PPP2R3A: variants seen among roughly 807,000 people sequenced by gnomAD.
The protein encoded by PPP2R3A is serine/threonine-protein phosphatase 2A regulatory subunit B'' subunit alpha.
Under a neutral mutation model 106.9 loss-of-function variants are expected in PPP2R3A, and 80 were observed. The ratio of observed to expected loss-of-function variants is 0.75; its 90% CI spans 0.62 to 0.90. PPP2R3A has a LOEUF of 0.90. PPP2R3A is among the 40% of genes least tolerant of loss of function. The pLI is 0.00. For synonymous variants in PPP2R3A, 483 were observed against 468.3 expected (o/e 1.03, Z -0.41); for missense variants, 1,386 against 1,350.4 (o/e 1.03, Z -0.41).
intron 2 of PPP2R3A, among the ~76,000 whole-genome samples, chr3:136,012,158 G>A (rs1011232346): frequency 2.0e-5 from 3 of 152,016 alleles, no homozygotes; most frequent in Admixed American, 2.0e-4. Flanking sequence ...AATTATTATG[G>A]TCTGTAATGA....
chr3:136,039,944 A>G (rs1417910822), intron 3 of PPP2R3A, among the ~76,000 whole-genome samples: 1 of 152,106 alleles, frequency 6.6e-6, no homozygotes, highest in African/African-American at 2.4e-5. Context: ...GTCTTTCCTA[A>G]GGCTTTGTAA....
At position 136,145,296 on chromosome 3, in the gene PPP2R3A, C is replaced by CT. The variant is rs1452497169; in HGVS notation, c.*133dup. 6.9e-5 allele frequency: 86 copies of CT among 1,237,778 alleles called. No individual in the cohort carries two copies. The highest frequency in any genetic ancestry group is 8.8e-5 in the Non-Finnish European group (82 of 929,058). 76.7% of individuals were successfully genotyped at this position (1,237,778 alleles called of 1,614,324 possible). ...AAGTGTGTATCATCTGCACTAGGAACTTTGTTTTTAAGCAATAGGTCTGGA... is the reference window on the plus strand; with the variant it reads ...AAGTGTGTATCATCTGCACTAGGAACTTTTGTTTTTAAGCAATAGGTCTGGA... On this transcript the variant is annotated 3_prime_UTR_variant, in exon 14 of 14. Transcript: ENST00000264977.
At chr3:135,988,266 AAC>A (rs1559853501) in intron 1 of PPP2R3A, among the ~76,000 whole-genome samples, 1 of 151,948 alleles carries the variant, frequency 6.6e-6, no homozygotes, top group African/African-American at 2.4e-5. Context: ...AAAAAAAAAA[AAC>A]AGTTTTTTTA....
Position 136,002,654 on chromosome 3 carries a change from A to G in PPP2R3A, c.1156A>G (p.Arg386Gly). Residue 386 changes from arginine to glycine, a missense_variant, in exon 2 of 14, where the codon AGA (arginine) becomes GGA (glycine). Arg to Gly is a moderately radical substitution (Grantham distance 125, BLOSUM62 -2). Coordinates refer to ENST00000264977, the MANE Select transcript of PPP2R3A (RefSeq NM_002718.5). Reference protein sequence around the residue: ...SLYNLEVNDPRTLKAVQVQSQ... With the variant: ...SLYNLEVNDPGTLKAVQVQSQ... ...ATATAACTTAGAGGTAAATGATCCTAGAACTCTAAAAGCTGTCCAGGTCCA... is the reference window on the plus strand; with the variant it reads ...ATATAACTTAGAGGTAAATGATCCTGGAACTCTAAAAGCTGTCCAGGTCCA... The G allele has an allele frequency of 6.2e-7, 1 of 1,613,500 alleles. No homozygotes were observed. Among genetic ancestry groups the G allele is most frequent in the Non-Finnish European group, 8.5e-7 (1 of 1,179,440 alleles).
chr3:136,058,113 C>G (rs1044307268), intron 5 of PPP2R3A, among the ~76,000 whole-genome samples: 3 of 152,048 alleles, frequency 2.0e-5, no homozygotes, highest in Non-Finnish European at 4.4e-5. Context: ...ACCTCGAAAT[C>G]ATAAGAGCCA....
At position 136,145,915 on chromosome 3, in the gene PPP2R3A, CT is replaced by C. The variant is rs1559947634; in HGVS notation, c.*753del. On this transcript the variant is annotated 3_prime_UTR_variant, in exon 14 of 14. Transcript: ENST00000264977. Reference sequence around the variant, plus strand: ...TGGAAAAAGCCCTTTTAACTTTTATCTTTTATTCATTGAACTATTGAATGAT... The same window carrying C: ...TGGAAAAAGCCCTTTTAACTTTTATCTTTATTCATTGAACTATTGAATGAT... 6.6e-6 allele frequency: 1 copy of C among 152,128 alleles called. No homozygotes were observed. Among genetic ancestry groups the C allele is most frequent in the African/African-American group, 2.4e-5 (1 of 41,416 alleles). The allele number at this position is 152,128 out of a possible 1,614,324, so 9.4% of individuals were successfully genotyped here.
At chr3:136,017,606 C>T (rs1370256643) in intron 2 of PPP2R3A, among the ~76,000 whole-genome samples, 2 of 152,166 alleles carry the variant, frequency 1.3e-5, no homozygotes, top group Non-Finnish European at 2.9e-5. Flanking sequence ...TTTTGTTAAT[C>T]AGAAGCACCC....
chr3:135,996,020 G>GT (rs1393884884), intron 1 of PPP2R3A, among the ~76,000 whole-genome samples: 1 of 152,106 alleles, frequency 6.6e-6, no homozygotes, highest in Non-Finnish European at 1.5e-5. Flanking sequence ...TATTCTGCAT[G>GT]TTTTTTTACA....
chr3:136,103,424 C>A (rs760351768), intron 12 of PPP2R3A, 48 bp downstream of exon 12: 1 of 1,295,412 alleles, frequency 7.7e-7, no homozygotes. Flanking sequence ...GTGTCAGGGG[C>A]TGTGTGTGCT....
chr3:135,987,600 G>A (rs189968571), intron 1 of PPP2R3A, among the ~76,000 whole-genome samples: 5 of 152,182 alleles, frequency 3.3e-5, no homozygotes, highest in African/African-American at 1.2e-4. Context: ...TCACATCACC[G>A]ACTATCAAGA....
chr3:136,070,491 C>T lies in PPP2R3A; in HGVS notation c.2483C>T (p.Thr828Ile), dbSNP rs765836024. Residue 828 changes from threonine (T) to isoleucine (I), a missense_variant, in exon 6 of 14, where the codon ACC becomes ATC. Physicochemically the swap from Thr to Ile is moderately conservative, Grantham distance 89. Transcript: ENST00000264977. ...FIPLLQDVVD[T>I]HPGLTFLKDA... ...GATCTTTTTCAGGATGTGGTGGATACCCACCCTGGTCTCACGTTCCTGAAA... is the reference window on the plus strand; with the variant it reads ...GATCTTTTTCAGGATGTGGTGGATATCCACCCTGGTCTCACGTTCCTGAAA... The T allele has an allele frequency of 1.2e-6, 2 of 1,606,494 alleles. No individual in the cohort carries two copies. Among genetic ancestry groups the T allele is most frequent in the South Asian group, 1.1e-5 (1 of 90,054 alleles).
At chr3:136,053,632 C>G (rs1935757465) in intron 5 of PPP2R3A, among the ~76,000 whole-genome samples, 1 of 152,218 alleles carries the variant, frequency 6.6e-6, no homozygotes, top group African/African-American at 2.4e-5. Context: ...CATAAACACA[C>G]TAACAAGACA....
chr3:136,136,214 T>G (rs1938618754), intron 13 of PPP2R3A, among the ~76,000 whole-genome samples: 1 of 151,700 alleles, frequency 6.6e-6, no homozygotes, highest in Non-Finnish European at 1.5e-5. Flanking sequence ...TCTATAAAAA[T>G]AAGGGTACGA....
chr3:136,038,673 C>T (rs551946417), intron 3 of PPP2R3A, among the ~76,000 whole-genome samples: 11 of 152,296 alleles, frequency 7.2e-5, no homozygotes, highest in East Asian at 5.8e-4. Flanking sequence ...ATGATACAGA[C>T]GATTCTTTCC....
chr3:136,032,613 C>G (rs1401956160), intron 3 of PPP2R3A, among the ~76,000 whole-genome samples: 1 of 151,824 alleles, frequency 6.6e-6, no homozygotes, highest in Non-Finnish European at 1.5e-5. Flanking sequence ...CTGCAGACTG[C>G]AAGCTCTGCC....
At chr3:136,107,461 AG>A (rs1395874411) in intron 13 of PPP2R3A, among the ~76,000 whole-genome samples, 4 of 113,228 alleles carry the variant, frequency 3.5e-5, no homozygotes, top group Non-Finnish European at 5.0e-5. Flanking sequence ...TTTTTGAGAC[AG>A]TCTCAAATGT....
intron 8 of PPP2R3A, among the ~76,000 whole-genome samples, chr3:136,083,197 TG>T (rs1301334968): frequency 6.6e-6 from 1 of 152,060 alleles, no homozygotes; most frequent in Non-Finnish European, 1.5e-5. Context: ...TGTATTTTTT[TG>T]TAAAGATGGT....
At chr3:136,095,806 A>C (rs1173023323) in intron 10 of PPP2R3A, among the ~76,000 whole-genome samples, 2 of 152,220 alleles carry the variant, frequency 1.3e-5, no homozygotes, top group African/African-American at 4.8e-5. Flanking sequence ...TCAGTGGTTC[A>C]CATTGCTTTA....
At chr3:136,089,602 TTG>T (rs932932436) in intron 9 of PPP2R3A, among the ~76,000 whole-genome samples, 13 of 148,108 alleles carry the variant, frequency 8.8e-5, no homozygotes, top group African/African-American at 3.4e-4. Context: ...TAGAATGGTG[TTG>T]TTTTTTTTTT....
Sources: gnomAD v4.1 joint callset for allele counts (sites outside exome capture counted in the v4.1 genomes callset) on GRCh38, gnomAD v4.1.1 for gene constraint, MANE v1.5 for transcripts, NCBI Gene and HGNC (gene_info 2026-07-23, HGNC 2026-07-21) for gene names.